Variants in MAP2 observed in about 807,000 individuals in gnomAD.
MAP2 encodes the protein microtubule associated protein 2.
MAP2 carries 14 observed loss-of-function variants against 137.6 expected under a neutral mutation model. The ratio of observed to expected loss-of-function variants is 0.10; its 90% CI spans 0.07 to 0.16. The LOEUF (loss-of-function observed/expected upper bound fraction) is 0.16. Ranked by LOEUF, MAP2 falls within the 10% of genes least tolerant of loss-of-function variation. MAP2 has a pLI of 1.00. For missense variants in MAP2, 2,088 were observed against 2,191.5 expected (o/e 0.95, Z 0.94); for synonymous variants, 786 against 782.3 (o/e 1.00, Z -0.08).
chr2:209,428,489 C>T (rs1693212050), intron 1 of MAP2, among the ~76,000 whole-genome samples: 1 of 150,660 alleles, frequency 6.6e-6, no homozygotes, highest in Non-Finnish European at 1.5e-5. Flanking sequence ...CCATTCTCCT[C>T]TTTCCCTTTT....
chr2:209,551,094 G>A (rs923665384), intron 2 of MAP2, among the ~76,000 whole-genome samples: 4 of 152,130 alleles, frequency 2.6e-5, no homozygotes, highest in African/African-American at 4.8e-5. Flanking sequence ...GCCATTAATT[G>A]TGTTGGCATA....
At chr2:209,609,011 A>G (rs553384669) in intron 3 of MAP2, among the ~76,000 whole-genome samples, 1 of 152,212 alleles carries the variant, frequency 6.6e-6, no homozygotes, top group Admixed American at 6.5e-5. Flanking sequence ...CCTGACACAT[A>G]CTTTTTCTTC....
At chr2:209,528,893 CATAT>C (rs972846926) in intron 2 of MAP2, among the ~76,000 whole-genome samples, 4 of 134,980 alleles carry the variant, frequency 3.0e-5, no homozygotes, top group African/African-American at 5.6e-5. Context: ...TGTGTATATA[CATAT>C]ATATACACAC....
chr2:209,666,259 C>T (rs1283429911), intron 5 of MAP2, among the ~76,000 whole-genome samples: 3 of 118,992 alleles, frequency 2.5e-5, no homozygotes, highest in East Asian at 4.8e-4. Flanking sequence ...TAGATCACAA[C>T]GCATGTAAGA....
In MAP2 at chr2:209,509,660, A is replaced by AT. The variant is rs549138766; in HGVS notation, c.-172+2026dup. On this transcript the variant is annotated intron_variant, in intron 2 of 15. Coordinates refer to ENST00000682079, the MANE Select transcript of MAP2 (RefSeq NM_001375505.1). ...CAGAATATATGTAATGGAAATTACC[A>AT]TTTTTTTCAACTATAACTAAGTTAC... 7.2e-4 allele frequency among the ~76,000 whole-genome samples: 109 copies of AT among 152,006 alleles called. 1 individual carries two copies. In the South Asian group the frequency reaches 0.023, roughly 31 times the overall value.
At chr2:209,485,381 T>A (rs2058251111) in intron 1 of MAP2, among the ~76,000 whole-genome samples, 1 of 147,442 alleles carries the variant, frequency 6.8e-6, no homozygotes, top group Non-Finnish European at 1.5e-5. Context: ...CTCCTATAAC[T>A]TTTTTTTTTA....
intron 5 of MAP2, among the ~76,000 whole-genome samples, chr2:209,662,848 G>GA (rs905178010): frequency 6.7e-6 from 1 of 149,324 alleles, no homozygotes. Context: ...AAGAGAAAAA[G>GA]AAAAAAAAGA....
At chr2:209,498,242 A>G (rs1477112442) in intron 1 of MAP2, among the ~76,000 whole-genome samples, 2 of 152,204 alleles carry the variant, frequency 1.3e-5, no homozygotes. Context: ...CTCCAAAATA[A>G]TATCTTTTGA....
intron 2 of MAP2, among the ~76,000 whole-genome samples, chr2:209,551,744 C>G (rs1414454861): frequency 6.6e-6 from 1 of 152,020 alleles, no homozygotes; most frequent in Admixed American, 6.5e-5. Flanking sequence ...TCTGGGGAAA[C>G]CAGAGTATAG....
intron 7 of MAP2, chr2:209,690,776 C>G (rs1295874779): frequency 1.6e-6 from 2 of 1,289,704 alleles, no homozygotes; most frequent in East Asian, 5.6e-5. Flanking sequence ...AGCAGGGGCC[C>G]CACATGAGAA....
chr2:209,513,005 C>G (rs1363596064), intron 2 of MAP2, among the ~76,000 whole-genome samples: 5 of 152,018 alleles, frequency 3.3e-5, no homozygotes, highest in African/African-American at 1.2e-4. Context: ...TCTCTATGCT[C>G]TGTTGAGTAG....
intron 4 of MAP2, among the ~76,000 whole-genome samples, chr2:209,636,714 CATG>C (rs976921387): frequency 5.3e-5 from 8 of 151,944 alleles, no homozygotes; most frequent in African/African-American, 1.9e-4. Flanking sequence ...TTGACTGAAA[CATG>C]AGGACAGGGA....
intron 3 of MAP2, among the ~76,000 whole-genome samples, chr2:209,622,019 G>A (rs879397370): frequency 5.3e-5 from 8 of 152,144 alleles, no homozygotes; most frequent in Admixed American, 5.2e-4. Context: ...TCTCTGCCTT[G>A]TGTAGGCTAA....
At chr2:209,543,592 G>T (rs1387389141) in intron 2 of MAP2, among the ~76,000 whole-genome samples, 1 of 152,122 alleles carries the variant, frequency 6.6e-6, no homozygotes, top group African/African-American at 2.4e-5. Flanking sequence ...AGAATACAAC[G>T]CTTCCTTTTA....
At chr2:209,511,527 T>C (rs535406672) in intron 2 of MAP2, among the ~76,000 whole-genome samples, 1 of 152,192 alleles carries the variant, frequency 6.6e-6, no homozygotes, top group Non-Finnish European at 1.5e-5. Flanking sequence ...GAAATTAGAT[T>C]AATTCATGCT....
intron 13 of MAP2, chr2:209,723,557 G>C: frequency 8.0e-7 from 1 of 1,245,216 alleles, no homozygotes; most frequent in Non-Finnish European, 1.2e-6. Context: ...CATCTTGATA[G>C]AAAAATGCAC....
At chr2:209,479,926 C>A (rs1182595989) in intron 1 of MAP2, among the ~76,000 whole-genome samples, 2 of 152,126 alleles carry the variant, frequency 1.3e-5, no homozygotes, top group East Asian at 3.9e-4. Flanking sequence ...TGGTTTTGCA[C>A]AACTGAGCCT....
intron 2 of MAP2, among the ~76,000 whole-genome samples, chr2:209,552,027 A>G (rs554210083): frequency 6.6e-6 from 1 of 152,300 alleles, no homozygotes; most frequent in South Asian, 2.1e-4. Context: ...GCATAAATAT[A>G]CTTTTTGATG....
intron 3 of MAP2, among the ~76,000 whole-genome samples, chr2:209,606,076 G>T (rs2084630162): frequency 7.6e-6 from 1 of 130,746 alleles, no homozygotes; most frequent in African/African-American, 3.6e-5. Flanking sequence ...ACGTTATGAT[G>T]GGGGGGGTGT....
Sources: gnomAD v4.1 joint callset for allele counts (sites outside exome capture counted in the v4.1 genomes callset) on GRCh38, gnomAD v4.1.1 for gene constraint, MANE v1.5 for transcripts, NCBI Gene and HGNC (gene_info 2026-07-23, HGNC 2026-07-21) for gene names.